The following KRTAP4-6 variants were observed in gnomAD, a reference collection of about 807,000 sequenced individuals.
KRTAP4-6 encodes the protein keratin-associated protein 4-6.
A neutral mutation model predicts 3.6 loss-of-function variants in KRTAP4-6; 1 was observed. The observed-to-expected ratio is 0.28, with a 90% CI of 0.10 to 1.32. The LOEUF (loss-of-function observed/expected upper bound fraction) is 1.32, where lower values mean the gene tolerates loss of function less well. Ranked by LOEUF, KRTAP4-6 falls within the 40% of genes most tolerant of loss-of-function variation. The pLI is 0.45. For missense variants in KRTAP4-6, 275 were observed against 280.3 expected, an observed-to-expected ratio of 0.98 and a Z score of 0.14; for synonymous variants, 97 against 96.7, an observed-to-expected ratio of 1.00 and a Z score of -0.02.
chr17:41,140,423 C>T lies in KRTAP4-6; in HGVS notation c.65G>A (p.Arg22His), dbSNP rs147498528. The T allele has an allele frequency of 1.8e-4, 287 of 1,613,948 alleles. 1 individual carries two copies. In the African/African-American group the frequency reaches 2.1e-3, roughly 12 times the overall value. Residue 22 changes from arginine (R) to histidine (H), a missense_variant, in exon 1 of 1, where the codon CGC becomes CAC. Arg to His is a conservative substitution (Grantham distance 29, BLOSUM62 0). Transcript: ENST00000345847. ...GCAGGTGGTCTGACAGCAGCTGGGG[C>T]GGCAGCAGGTCTCCAGGCCACAGCC...
exon 1 of KRTAP4-6, chr17:41,140,098 G>A (rs760405338): frequency 4.1e-6 from 6 of 1,459,042 alleles, no homozygotes; most frequent in African/African-American, 1.4e-5. Flanking sequence ...ACACAGACTG[G>A]CAGCACTGGG....
rs755463076 is a variant in KRTAP4-6 at position 41,139,863 on chromosome 17, A to G, written c.*7T>C. On this transcript the variant is annotated 3_prime_UTR_variant, in exon 1 of 1. Coordinates refer to ENST00000345847, the Ensembl canonical transcript of KRTAP4-6. ...TGAAGGGGAGGAGATAGTTTCAGGC[A>G]AGGAGCTCAGCAGCAAGAGGAGGCA... 4 of 1,570,152 alleles carry G rather than the reference A, an allele frequency of 2.5e-6. No individual in the cohort carries two copies. In the Admixed American group the frequency reaches 7.6e-5, roughly 30 times the overall value.
Position 41,139,714 on chromosome 17 carries a change from C to G in KRTAP4-6, c.*156G>C, listed in dbSNP as rs543301573. 3 of 1,103,328 alleles carry G rather than the reference C, an allele frequency of 2.7e-6. No individual in the cohort carries two copies. In the Admixed American group the frequency reaches 8.7e-5, roughly 32 times the overall value. 68.3% of individuals were successfully genotyped at this position (1,103,328 alleles called of 1,614,324 possible). ...TGGGTCAACATGGGGAACATATATT[C>G]TAGATGTATAGCCAGGACATATATC... On this transcript the variant is annotated 3_prime_UTR_variant, in exon 1 of 1. Transcript: ENST00000345847.
At chr17:41,139,813 A>G in exon 1 of KRTAP4-6, 1 of 1,528,690 alleles carries the variant, frequency 6.5e-7, no homozygotes, top group Non-Finnish European at 8.8e-7. Context: ...GAGATGCACA[A>G]GGTCTGCTTC....
chr17:41,140,103 A>C, exon 1 of KRTAP4-6: 7 of 1,458,828 alleles, frequency 4.8e-6, no homozygotes, highest in Non-Finnish European at 6.5e-6. Context: ...GACTGGCAGC[A>C]CTGGGACCTG....
upstream of KRTAP4-6, chr17:41,140,489 G>A (rs1223788630): frequency 6.2e-7 from 1 of 1,608,926 alleles, no homozygotes; most frequent in East Asian, 2.2e-5. Context: ...GCTGACCATG[G>A]TGTCAGAGGG....
chr17:41,140,259 T>C (rs778277911), exon 1 of KRTAP4-6: 1 of 1,596,206 alleles, frequency 6.3e-7, no homozygotes, highest in Admixed American at 1.7e-5. Flanking sequence ...CAGCAGGTGG[T>C]CCTGCAGCAG....
chr17:41,140,267 C>A (rs752127004), exon 1 of KRTAP4-6: 9 of 1,602,462 alleles, frequency 5.6e-6, no homozygotes, highest in East Asian at 2.2e-5. Context: ...GGTCCTGCAG[C>A]AGGTGGTCTG....
At chr17:41,139,612 C>T (rs2014661672) in exon 1 of KRTAP4-6, 2 of 602,448 alleles carry the variant, frequency 3.3e-6, no homozygotes, top group Non-Finnish European at 5.6e-6. Context: ...ACTTGGTATC[C>T]ATAAATACAA....
exon 1 of KRTAP4-6, chr17:41,139,875 A>T: frequency 4.4e-6 from 7 of 1,581,306 alleles, no homozygotes; most frequent in Non-Finnish European, 6.0e-6. Context: ...GGAGCTCAGC[A>T]GCAAGAGGAG....
Position 41,140,432 on chromosome 17 carries a change from G to T in KRTAP4-6, c.56C>A (p.Thr19Asn), listed in dbSNP as rs770951968. 18 of 1,613,874 alleles carry T rather than the reference G, an allele frequency of 1.1e-5. No individual in the cohort carries two copies. In the African/African-American group the frequency reaches 1.6e-4, roughly 14 times the overall value. The change falls in exon 1 of 1, where the codon ACC becomes AAC. Residue 19 changes from threonine to asparagine, a missense_variant. Thr to Asn is a moderately conservative substitution (Grantham distance 65). Transcript: ENST00000345847. Reference sequence around the variant, plus strand: ...CTGACAGCAGCTGGGGCGGCAGCAGGTCTCCAGGCCACAGCCCTGGTCAGA... The same window carrying T: ...CTGACAGCAGCTGGGGCGGCAGCAGTTCTCCAGGCCACAGCCCTGGTCAGA...
exon 1 of KRTAP4-6, chr17:41,140,200 C>G: frequency 1.3e-6 from 2 of 1,583,958 alleles, no homozygotes; most frequent in African/African-American, 1.3e-5. Context: ...AGCACACAGA[C>G]TGGCAGCACT....
exon 1 of KRTAP4-6, chr17:41,139,783 G>C: frequency 6.7e-7 from 1 of 1,495,274 alleles, no homozygotes; most frequent in Non-Finnish European, 9.0e-7. Flanking sequence ...GGTGGGAATG[G>C]CCTCTTCTGA....
exon 1 of KRTAP4-6, chr17:41,139,748 A>G: frequency 7.4e-7 from 1 of 1,347,302 alleles, no homozygotes. Context: ...TCCTAGATAT[A>G]TGTCCAGGAT....
In KRTAP4-6 at chr17:41,140,218, G is replaced by T. The variant is rs2014676240; in HGVS notation, c.270C>A (p.Cys90Ter). The T allele has an allele frequency of 6.3e-7, 1 of 1,588,108 alleles. No individual in the cohort carries two copies. The highest frequency in any genetic ancestry group is 1.3e-5 in the African/African-American group (1 of 74,272). ...ACACAGACTGGCAGCACTGGGGTCT[G>T]CAGCAGCTGGATACACAGCAGCTAG... Residue 90 changes from cysteine to a stop codon, truncating the protein, a stop_gained, in exon 1 of 1, where the codon TGC becomes TGA. Coordinates refer to ENST00000345847, the Ensembl canonical transcript of KRTAP4-6. LOFTEE classifies it low-confidence loss of function (END_TRUNC).
exon 1 of KRTAP4-6, chr17:41,140,302 A>G (rs381281): frequency 4.4e-6 from 7 of 1,594,030 alleles, no homozygotes; most frequent in Admixed American, 1.7e-5. Flanking sequence ...AGCAGCTGGG[A>G]CGGCAGCAGG....
At chr17:41,140,536 C>T (rs772294111), upstream of KRTAP4-6, 24 of 1,565,528 alleles carry the variant, frequency 1.5e-5, no homozygotes, top group Admixed American at 1.8e-4. Context: ...GAGTGAGTTT[C>T]GTGAGTTTGG....
exon 1 of KRTAP4-6, chr17:41,139,629 G>A: frequency 1.5e-6 from 1 of 653,208 alleles, no homozygotes; most frequent in Non-Finnish European, 2.6e-6. Context: ...ACAAATATAA[G>A]GTATAAAATT....
chr17:41,139,556 T>C (rs73983171), exon 1 of KRTAP4-6: 9,027 of 434,746 alleles, frequency 0.021, 717 homozygotes, highest in African/African-American at 0.16. Context: ...TGAGACAACC[T>C]TGCCCCGAGT....
Sources: gnomAD v4.1 joint callset for allele counts on GRCh38, gnomAD v4.1.1 for gene constraint, MANE v1.5 for transcripts, NCBI Gene and HGNC (gene_info 2026-07-23, HGNC 2026-07-21) for gene names.